FSTL4: variants seen among roughly 807,000 people sequenced by gnomAD.
The protein encoded by FSTL4 is follistatin like 4.
A neutral mutation model predicts 78.2 loss-of-function variants in FSTL4; 28 were observed. That is an observed-to-expected ratio of 0.36 (90% CI 0.27 to 0.49). The LOEUF (loss-of-function observed/expected upper bound fraction) is 0.49. FSTL4 is among the 20% of genes least tolerant of loss of function. FSTL4 has a pLI of 0.98. For synonymous variants in FSTL4, 422 were observed against 440.5 expected, an observed-to-expected ratio of 0.96 and a Z score of 0.53; for missense variants, 922 against 1,084.9, an observed-to-expected ratio of 0.85 and a Z score of 2.11.
At chr5:133,298,928 C>G (rs902055346) in intron 6 of FSTL4, among the ~76,000 whole-genome samples, 19 of 152,314 alleles carry the variant, frequency 1.2e-4, no homozygotes, top group African/African-American at 4.6e-4. Flanking sequence ...TTGTAAGGAC[C>G]GCACTTCTCC....
At chr5:133,306,008 G>T (rs192486638) in intron 6 of FSTL4, among the ~76,000 whole-genome samples, 6 of 152,198 alleles carry the variant, frequency 3.9e-5, no homozygotes, top group African/African-American at 1.2e-4. Context: ...TCTTCCTTCC[G>T]CATTTGTCCT....
chr5:133,419,567 T>G (rs917391398), intron 3 of FSTL4, among the ~76,000 whole-genome samples: 1 of 152,260 alleles, frequency 6.6e-6, no homozygotes, highest in Non-Finnish European at 1.5e-5. Context: ...TACAAGTATT[T>G]TTATGGATAT....
chr5:133,573,243 CA>C (rs67012663), intron 2 of FSTL4, among the ~76,000 whole-genome samples: 74,861 of 145,582 alleles, frequency 0.51, 18,731 homozygotes, highest in African/African-American at 0.56. Context: ...GGCTCTGTCT[CA>C]AAAAAAAACA....
chr5:133,650,164 T>C, the FSTL4 span, among the ~76,000 whole-genome samples: 9 of 151,946 alleles, frequency 5.9e-5, no homozygotes, highest in African/African-American at 2.2e-4. Flanking sequence ...AGAACTCACT[T>C]ACCCCAAGAG....
chr5:133,492,722 A>C (rs28602183), intron 3 of FSTL4, among the ~76,000 whole-genome samples: 1 of 152,140 alleles, frequency 6.6e-6, no homozygotes, highest in African/African-American at 2.4e-5. Flanking sequence ...CTTTAAAAAA[A>C]TTTTGGAAAA....
intron 14 of FSTL4, among the ~76,000 whole-genome samples, chr5:133,206,717 C>A (rs991825305): frequency 2.0e-5 from 3 of 152,076 alleles, no homozygotes; most frequent in African/African-American, 7.2e-5. Flanking sequence ...CTTTCTCATT[C>A]CTCATTTTGT....
chr5:133,394,276 G>A (rs556670287), intron 4 of FSTL4, among the ~76,000 whole-genome samples: 133 of 152,366 alleles, frequency 8.7e-4, no homozygotes, highest in African/African-American at 2.9e-3. Flanking sequence ...CCTTCAGCCC[G>A]CCGCTGCACT....
At chr5:133,470,796 T>TAAAATA (rs1295203498) in intron 3 of FSTL4, among the ~76,000 whole-genome samples, 20 of 108,486 alleles carry the variant, frequency 1.8e-4, no homozygotes, top group African/African-American at 6.0e-4. Flanking sequence ...TAAAATAAAA[T>TAAAATA]AAAATAAAAA....
intron 4 of FSTL4, among the ~76,000 whole-genome samples, chr5:133,344,972 T>G (rs1754666250): frequency 6.7e-6 from 1 of 149,928 alleles, no homozygotes; most frequent in Admixed American, 6.6e-5. Flanking sequence ...CCCCCACTTT[T>G]TTTTTTTTTT....
chr5:133,677,815 AAATAACTACCAAAAATACTACAAGGGCC>A, the FSTL4 span, among the ~76,000 whole-genome samples: 1 of 152,242 alleles, frequency 6.6e-6, no homozygotes, highest in Admixed American at 6.5e-5. Flanking sequence ...ATTTATGGAC[AAATAACTACCAAAAATACTACAAGGGCC>A]AGGAATTATT....
Position 133,338,975 on chromosome 5 carries a change from C to A in FSTL4, c.410-22323G>T, listed in dbSNP as rs974079114. 2.0e-5 allele frequency among the ~76,000 whole-genome samples: 3 copies of A among 152,178 alleles called. No individual in the cohort carries two copies. The highest frequency in any genetic ancestry group is 2.1e-4 in the South Asian group (1 of 4,834). Reference sequence around the variant, plus strand: ...GATCATGTCCCCACCAATCCTCCCCCACTCAGTAGCTGGAGGAATCTTATG... The same window carrying A: ...GATCATGTCCCCACCAATCCTCCCCAACTCAGTAGCTGGAGGAATCTTATG... On this transcript the variant is annotated intron_variant, in intron 4 of 15. Coordinates refer to ENST00000265342, the MANE Select transcript of FSTL4 (RefSeq NM_015082.2). This position sits in a 1 kb window ranked among gnomAD's most constrained non-coding sequence, Gnocchi z 4.0.
the FSTL4 span, among the ~76,000 whole-genome samples, chr5:133,646,081 A>G: frequency 1.3e-5 from 2 of 152,194 alleles, no homozygotes. Flanking sequence ...AGTCCAGGAG[A>G]GCAAACAGAT....
intron 6 of FSTL4, among the ~76,000 whole-genome samples, chr5:133,271,476 A>G (rs897685828): frequency 4.6e-5 from 7 of 152,224 alleles, no homozygotes; most frequent in African/African-American, 1.4e-4. Flanking sequence ...CAGGGTGTGG[A>G]GAGCACAGAC....
intron 6 of FSTL4, among the ~76,000 whole-genome samples, chr5:133,305,314 C>T (rs1753631527): frequency 6.6e-6 from 1 of 152,218 alleles, no homozygotes; most frequent in Non-Finnish European, 1.5e-5. Flanking sequence ...CTTCTCCAAG[C>T]CCTGGCCTCT....
At chr5:133,416,823 T>C (rs1389099400) in intron 3 of FSTL4, among the ~76,000 whole-genome samples, 1 of 152,216 alleles carries the variant, frequency 6.6e-6, no homozygotes, top group African/African-American at 2.4e-5. Context: ...CTGTTCTGAA[T>C]TGAAGTAGGC....
At chr5:133,498,486 A>C (rs1758418328) in intron 3 of FSTL4, among the ~76,000 whole-genome samples, 1 of 152,212 alleles carries the variant, frequency 6.6e-6, no homozygotes, top group Admixed American at 6.5e-5. Flanking sequence ...TGGGAGGCTG[A>C]GGCAGGCAGA....
At chr5:133,582,099 A>G (rs1760426101) in intron 2 of FSTL4, among the ~76,000 whole-genome samples, 1 of 152,234 alleles carries the variant, frequency 6.6e-6, no homozygotes, top group Admixed American at 6.5e-5. Context: ...GTGGAGCCAG[A>G]GGATGGCTTG....
intron 10 of FSTL4, chr5:133,224,550 G>A: frequency 4.1e-6 from 1 of 243,128 alleles, no homozygotes; most frequent in Middle Eastern, 1.3e-3. Context: ...CAACCAGCAG[G>A]AGAAGTGACT....
the FSTL4 span, among the ~76,000 whole-genome samples, chr5:133,790,800 G>A: frequency 2.6e-5 from 4 of 152,186 alleles, no homozygotes; most frequent in African/African-American, 9.6e-5. Context: ...AATCTTCTGT[G>A]TCCAGAACAA....
Sources: allele counts gnomAD v4.1 joint callset (sites outside exome capture counted in the v4.1 genomes callset), GRCh38; gene constraint gnomAD v4.1.1; non-coding constraint Gnocchi (gnomAD v3.1); transcripts MANE v1.5; gene names NCBI Gene and HGNC (gene_info 2026-07-23, HGNC 2026-07-21).